GBF1: variants seen among roughly 807,000 people sequenced by gnomAD.
GBF1 encodes the protein golgi brefeldin A resistant guanine nucleotide exchange factor 1.
Under a neutral mutation model 210.5 loss-of-function variants are expected in GBF1, and 114 were observed. That is an observed-to-expected ratio of 0.54 (90% CI 0.47 to 0.63). The LOEUF (loss-of-function observed/expected upper bound fraction) is 0.63. Ranked by LOEUF, GBF1 falls within the 30% of genes least tolerant of loss-of-function variation. The pLI is 0.00. For missense variants in GBF1, 1,851 were observed against 2,357.7 expected (o/e 0.79, Z 4.45); for synonymous variants, 850 against 889.2 (o/e 0.96, Z 0.78).
the GBF1 span, chr10:102,231,237 G>C: frequency 1.1e-6 from 1 of 889,552 alleles, no homozygotes; most frequent in Middle Eastern, 3.4e-4. Flanking sequence ...CGGGGTGGGA[G>C]GGAAGGAGCG....
chr10:102,296,125 A>G (rs1484130033), intron 3 of GBF1, among the ~76,000 whole-genome samples: 1 of 152,162 alleles, frequency 6.6e-6, no homozygotes, highest in African/African-American at 2.4e-5. Flanking sequence ...TTCTGAGTCT[A>G]TTCTCACCAG....
intron 3 of GBF1, among the ~76,000 whole-genome samples, chr10:102,284,454 C>T (rs1230265087): frequency 6.6e-6 from 1 of 152,164 alleles, no homozygotes; most frequent in African/African-American, 2.4e-5. Context: ...AGCCATCCAT[C>T]TGCATTCTGT....
chr10:102,245,629 G>A lies in GBF1; in HGVS notation c.-163G>A, dbSNP rs1541046. Reference sequence around the variant, plus strand: ...GACTGTGCAGTCCCACCCTGACTTCGGCCTCAATTTCCAGGAAACAGGCTC... The same window carrying A: ...GACTGTGCAGTCCCACCCTGACTTCAGCCTCAATTTCCAGGAAACAGGCTC... On this transcript the variant is annotated 5_prime_UTR_variant, in exon 1 of 40. Coordinates refer to ENST00000369983, the MANE Select transcript of GBF1 (RefSeq NM_001377137.1). The A allele has an allele frequency of 0.66, 100,133 of 152,116 alleles. 33,352 individuals carry two copies. The highest frequency in any genetic ancestry group is 0.76 in the African/African-American group (31,698 of 41,508). The allele number at this position is 152,116 out of a possible 1,614,324, so 9.4% of individuals were successfully genotyped here.
In GBF1 at chr10:102,358,672, C is replaced by G. The variant is rs1210947898; in HGVS notation, c.954C>G (p.Ser318Arg). The change falls in exon 10 of 40, where the codon AGC (serine) becomes AGG (arginine). Residue 318 changes from serine (S) to arginine (R), a missense_variant. This residue lies in a region of GBF1 where 804 missense variants were observed against 958.6 expected (regional missense o/e 0.84). Coordinates refer to ENST00000369983, the MANE Select transcript of GBF1 (RefSeq NM_001377137.1). ...AGCAACCTGGCTCTCCAGGGTACAGCACAGCTACAGAGCCTGGAAGCAGTG... is the reference window on the plus strand; with the variant it reads ...AGCAACCTGGCTCTCCAGGGTACAGGACAGCTACAGAGCCTGGAAGCAGTG... Reference protein sequence around the residue: ...DLEQPGSPGYSTATEPGSSEL... With the variant: ...DLEQPGSPGYRTATEPGSSEL... 2 of 1,613,996 alleles carry G rather than the reference C, an allele frequency of 1.2e-6. No individual in the cohort carries two copies. The highest frequency in any genetic ancestry group is 1.3e-5 in the African/African-American group (1 of 74,918).
intron 3 of GBF1, among the ~76,000 whole-genome samples, chr10:102,315,850 G>C (rs1352739731): frequency 6.6e-6 from 1 of 152,064 alleles, no homozygotes; most frequent in African/African-American, 2.4e-5. Flanking sequence ...CTGCTTTCCA[G>C]GAGCTTGCAG....
chr10:102,375,320 C>G (rs2060433103), intron 29 of GBF1, 39 bp from the exon 30 acceptor site: 1 of 1,190,282 alleles, frequency 8.4e-7, no homozygotes. Flanking sequence ...GCCCACACAG[C>G]TCCCCGCTTC....
chr10:102,356,280 C>T (rs2059283646), intron 8 of GBF1, among the ~76,000 whole-genome samples: 1 of 152,146 alleles, frequency 6.6e-6, no homozygotes, highest in Admixed American at 6.5e-5. Context: ...TATATTCAGC[C>T]TTTAGGAAGA....
chr10:102,294,960 A>G (rs2076799116), intron 3 of GBF1, among the ~76,000 whole-genome samples: 1 of 152,362 alleles, frequency 6.6e-6, no homozygotes, highest in South Asian at 2.1e-4. Flanking sequence ...CAATGAATGC[A>G]TATCAGTTAA....
At chr10:102,295,869 T>C (rs1274983043) in intron 3 of GBF1, among the ~76,000 whole-genome samples, 1 of 152,196 alleles carries the variant, frequency 6.6e-6, no homozygotes, top group Non-Finnish European at 1.5e-5. Context: ...GTATATTCCA[T>C]TGAATAAATA....
intron 13 of GBF1, 42 bp downstream of exon 13, chr10:102,361,162 G>A (rs2059581811): frequency 9.6e-7 from 1 of 1,038,756 alleles, no homozygotes; most frequent in Non-Finnish European, 1.5e-6. Flanking sequence ...AAAAAAAATA[G>A]GGAGATATAT....
chr10:102,381,322 G>T, intron 39 of GBF1, 67 bp downstream of exon 39: 3 of 1,531,954 alleles, frequency 2.0e-6, no homozygotes, highest in Non-Finnish European at 2.7e-6. Flanking sequence ...GGAGGCCCAA[G>T]GGGGCGTGGG....
chr10:102,317,931 C>T (rs1406611658), intron 3 of GBF1, among the ~76,000 whole-genome samples: 8 of 151,552 alleles, frequency 5.3e-5, no homozygotes, highest in Middle Eastern at 3.4e-3. Context: ...TATTTTGAGA[C>T]GGAGTCTCGC....
chr10:102,279,416 T>G (rs2075286435), intron 3 of GBF1, among the ~76,000 whole-genome samples: 1 of 152,206 alleles, frequency 6.6e-6, no homozygotes, highest in Non-Finnish European at 1.5e-5. Context: ...TGCTATGAAT[T>G]CATCATTATA....
intron 3 of GBF1, among the ~76,000 whole-genome samples, chr10:102,263,946 C>A (rs549785057): frequency 1.3e-5 from 2 of 152,188 alleles, no homozygotes; most frequent in East Asian, 3.9e-4. Flanking sequence ...TCTCAGGACT[C>A]CTTTTAGATT....
At chr10:102,291,746 A>G (rs1282813659) in intron 3 of GBF1, among the ~76,000 whole-genome samples, 1 of 152,094 alleles carries the variant, frequency 6.6e-6, no homozygotes, top group African/African-American at 2.4e-5. Flanking sequence ...CATGCCTTGG[A>G]CAGATGGATG....
chr10:102,238,757 C>T, the GBF1 span, among the ~76,000 whole-genome samples: 1 of 152,310 alleles, frequency 6.6e-6, no homozygotes, highest in African/African-American at 2.4e-5. Context: ...AGGCAGGATG[C>T]AAGGTTACAC....
intron 3 of GBF1, among the ~76,000 whole-genome samples, chr10:102,289,172 T>C (rs2133614099): frequency 1.3e-5 from 2 of 151,794 alleles, no homozygotes; most frequent in South Asian, 2.1e-4. Flanking sequence ...AGCAAGTCGA[T>C]AGCCACAGTG....
chr10:102,340,915 A>C (rs1174115015), intron 3 of GBF1, among the ~76,000 whole-genome samples: 1 of 152,224 alleles, frequency 6.6e-6, no homozygotes, highest in African/African-American at 2.4e-5. Context: ...AGGCAGAGTC[A>C]ATTTAGACAT....
chr10:102,275,003 C>T (rs564560938), intron 3 of GBF1, among the ~76,000 whole-genome samples: 14 of 145,680 alleles, frequency 9.6e-5, no homozygotes, highest in African/African-American at 2.3e-4. Context: ...TGATCCACCG[C>T]GCCAGGACTT....
Sources: gnomAD v4.1 joint callset for allele counts (sites outside exome capture counted in the v4.1 genomes callset) on GRCh38, gnomAD v4.1.1 for gene constraint, gnomAD v4.1.1 regional missense constraint, MANE v1.5 for transcripts, NCBI Gene and HGNC (gene_info 2026-07-23, HGNC 2026-07-21) for gene names.